Variants in DNAH7 observed in about 807,000 individuals in gnomAD.
The protein encoded by DNAH7 is dynein axonemal heavy chain 7.
A neutral mutation model predicts 444.6 loss-of-function variants in DNAH7; 397 were observed. The observed-to-expected ratio is 0.89, with a 90% confidence interval of 0.82 to 0.97. DNAH7 has a LOEUF of 0.97. Ranked by LOEUF, DNAH7 falls within the 50% of genes least tolerant of loss-of-function variation. The pLI is 0.00. For missense variants in DNAH7, 4,902 were observed against 4,800.8 expected (o/e 1.02, Z -0.62); for synonymous variants, 1,636 against 1,624.4 (o/e 1.01, Z -0.17).
At chr2:195,770,526 T>C (rs939176798) in intron 61 of DNAH7, among the ~76,000 whole-genome samples, 1 of 152,000 alleles carries the variant, frequency 6.6e-6, no homozygotes, top group African/African-American at 2.4e-5. Context: ...TACACTTGTG[T>C]TATACCCTCT....
chr2:195,891,447 C>T lies in DNAH7; in HGVS notation c.5046+208G>A, dbSNP rs564460770. Among the ~76,000 whole-genome samples, 3 of 151,540 alleles carry T rather than the reference C, an allele frequency of 2.0e-5. No individual in the cohort carries two copies. In the South Asian group the frequency reaches 6.3e-4, roughly 32 times the overall value. On this transcript the variant is annotated intron_variant, in intron 31 of 64. Coordinates refer to ENST00000312428, the MANE Select transcript of DNAH7 (RefSeq NM_018897.3). ...TTTTTCTACCCTCTCTTCTGTATTC[C>T]TCCAGGGTAAAGGAGCTTGGTCTCT...
chr2:195,925,590 G>A (rs1199021051), intron 22 of DNAH7, among the ~76,000 whole-genome samples: 1 of 152,094 alleles, frequency 6.6e-6, no homozygotes, highest in African/African-American at 2.4e-5. Flanking sequence ...AGGAGAAGTA[G>A]GTGACCTGTT....
At chr2:195,810,078 GT>G (rs952412961) in intron 51 of DNAH7, among the ~76,000 whole-genome samples, 44 of 145,462 alleles carry the variant, frequency 3.0e-4, no homozygotes, top group African/African-American at 6.3e-4. Flanking sequence ...TGTGGACTGA[GT>G]TTTTTTTTTT....
intron 49 of DNAH7, 34 bp from the exon 50 acceptor site, chr2:195,817,863 T>G (rs373656972): frequency 3.6e-5 from 53 of 1,479,484 alleles, no homozygotes; most frequent in African/African-American, 5.7e-5. Context: ...AATTACATCA[T>G]TATTTCTGTT....
chr2:195,987,962 T>C lies in DNAH7; in HGVS notation c.1621A>G (p.Ile541Val). The C allele has an allele frequency of 2.5e-6, 4 of 1,599,096 alleles. No individual in the cohort carries two copies. Among genetic ancestry groups the C allele is most frequent in the Non-Finnish European group, 3.4e-6 (4 of 1,171,544 alleles). ...KLIEEIQYTS[I>V]KTIRLGMFEM... ...ACAAAACTGGAGTCATTTACCTTTA[T>C]GGATGTGTACTGTATTTCCTCTATT... The change falls in exon 13 of 65, where the codon ATA becomes GTA. Residue 541 changes from isoleucine (I) to valine (V), a missense_variant. By Grantham distance (29) the Ile-to-Val change is conservative (BLOSUM62 3). Coordinates refer to ENST00000312428, the MANE Select transcript of DNAH7 (RefSeq NM_018897.3).
intron 12 of DNAH7, chr2:195,995,341 G>C: frequency 1.9e-6 from 1 of 518,670 alleles, no homozygotes; most frequent in Non-Finnish European, 3.9e-6. Context: ...ACCCCATGGA[G>C]AGACTGGCTC....
chr2:196,058,239 G>A (rs913627022), intron 1 of DNAH7, 123 bp from the exon 2 acceptor site: 12 of 585,328 alleles, frequency 2.1e-5, no homozygotes, highest in African/African-American at 3.7e-5. Context: ...AAAACATACT[G>A]TACAAATGGC....
intron 63 of DNAH7, among the ~76,000 whole-genome samples, chr2:195,743,874 G>T (rs192019428): frequency 6.6e-6 from 1 of 152,180 alleles, no homozygotes; most frequent in Non-Finnish European, 1.5e-5. Flanking sequence ...AGCCTGCACC[G>T]GACACCTTTC....
chr2:196,045,833 G>A (rs748750098), intron 5 of DNAH7, among the ~76,000 whole-genome samples: 2 of 151,618 alleles, frequency 1.3e-5, no homozygotes, highest in East Asian at 3.9e-4. Context: ...CAGAAAAAGA[G>A]AAAAAAATAA....
intron 5 of DNAH7, among the ~76,000 whole-genome samples, chr2:196,046,476 C>T (rs886600403): frequency 6.6e-6 from 1 of 152,256 alleles, no homozygotes; most frequent in South Asian, 2.1e-4. Flanking sequence ...GTCTACCCTC[C>T]ATTGATTTGG....
chr2:195,965,101 G>A (rs1691385052), intron 17 of DNAH7, among the ~76,000 whole-genome samples: 1 of 152,014 alleles, frequency 6.6e-6, no homozygotes. Flanking sequence ...ACTACCTGTG[G>A]GTCTGTCTTT....
At chr2:195,773,817 T>C (rs1014799381) in intron 60 of DNAH7, among the ~76,000 whole-genome samples, 4 of 152,258 alleles carry the variant, frequency 2.6e-5, no homozygotes, top group African/African-American at 9.6e-5. Context: ...CTAAATAGTG[T>C]GTGGCAGTTA....
intron 35 of DNAH7, among the ~76,000 whole-genome samples, chr2:195,883,399 G>A (rs1282495847): frequency 6.6e-6 from 1 of 151,546 alleles, no homozygotes; most frequent in Non-Finnish European, 1.5e-5. Context: ...AGTGAGCCGA[G>A]ATCGTGCCAC....
In DNAH7 at chr2:195,856,481, G is replaced by C. The variant is rs542701390; in HGVS notation, c.8415-490C>G. On this transcript the variant is annotated intron_variant, in intron 44 of 64. Transcript: ENST00000312428. Reference sequence around the variant, plus strand: ...TTCTCTCCCTAGTATCTGGAAAATGGAGTCAGTCATGTTATCTAACAAACA... The same window carrying C: ...TTCTCTCCCTAGTATCTGGAAAATGCAGTCAGTCATGTTATCTAACAAACA... Among the ~76,000 whole-genome samples the C allele has an allele frequency of 3.3e-5, 5 of 152,222 alleles. No homozygotes were observed. The South Asian group carries it at 1.0e-3, about 32-fold the overall frequency.
intron 58 of DNAH7, among the ~76,000 whole-genome samples, chr2:195,778,475 C>CA (rs34018148): frequency 0.014 from 1,782 of 129,234 alleles, 33 homozygotes; most frequent in East Asian, 0.073. Flanking sequence ...CTGTCCCTAC[C>CA]AAAAAAAAAA....
Position 195,922,123 on chromosome 2 carries a change from C to A in DNAH7, c.3900G>T (p.Arg1300Ser). The A allele has an allele frequency of 6.2e-7, 1 of 1,612,512 alleles. No homozygotes were observed. Among genetic ancestry groups the A allele is most frequent in the Non-Finnish European group, 8.5e-7 (1 of 1,178,648 alleles). ...TATCCGTGAGTGGTGTAATAACCAG[C>A]CTAGGGGAATTACCCAGATATTCAT... Reference protein sequence around the residue: ...YGYEYLGNSPRLVITPLTDRC... With the variant: ...YGYEYLGNSPSLVITPLTDRC... Residue 1300 changes from arginine (R) to serine (S), a missense_variant, in exon 24 of 65, where the codon AGG becomes AGT. By Grantham distance (110) the Arg-to-Ser change is moderately radical. Transcript: ENST00000312428.
intron 61 of DNAH7, among the ~76,000 whole-genome samples, chr2:195,756,637 C>A (rs1394243626): frequency 6.6e-6 from 1 of 152,026 alleles, no homozygotes; most frequent in Non-Finnish European, 1.5e-5. Context: ...CCTCAGGCTC[C>A]CAAGAAACTG....
At chr2:195,985,945 T>G (rs1252026521) in intron 14 of DNAH7, among the ~76,000 whole-genome samples, 1 of 152,162 alleles carries the variant, frequency 6.6e-6, no homozygotes, top group African/African-American at 2.4e-5. Context: ...ACGCTGTCTG[T>G]GAAAGCAATG....
chr2:195,857,567 G>A lies in DNAH7; in HGVS notation c.8224C>T (p.Leu2742Phe). ...TGCAGAAACCTCATGTCACCAAGAA[G>A]TCTCTTAGCTGGGCCCCAGAAATCC... ...IEDFWGPAKR[L>F]LGDMRFLQSL... The change falls in exon 44 of 65, where the codon CTT becomes TTT. Residue 2742 changes from leucine to phenylalanine, a missense_variant. Transcript: ENST00000312428. 1 of 1,613,980 alleles carries A rather than the reference G, an allele frequency of 6.2e-7. No individual in the cohort carries two copies. The highest frequency in any genetic ancestry group is 1.3e-5 in the African/African-American group (1 of 75,002).
Sources: allele counts gnomAD v4.1 joint callset (sites outside exome capture counted in the v4.1 genomes callset), GRCh38; gene constraint gnomAD v4.1.1; transcripts MANE v1.5; gene names NCBI Gene and HGNC (gene_info 2026-07-23, HGNC 2026-07-21).